CDYL: variants seen among roughly 807,000 people sequenced by gnomAD.
CDYL encodes chromodomain Y-like protein.
Under a neutral mutation model 47.3 loss-of-function variants are expected in CDYL, and 8 were observed. The observed-to-expected ratio is 0.17, with a 90% CI of 0.10 to 0.31. The LOEUF (loss-of-function observed/expected upper bound fraction) is 0.31. Among genes scored for constraint, CDYL ranks in the 10% least tolerant of loss-of-function variants. CDYL has a pLI of 1.00. For missense variants in CDYL, 471 were observed against 701.4 expected (o/e 0.67, Z 3.71); for synonymous variants, 266 against 265.0 (o/e 1.00, Z -0.04).
At chr6:4,803,494 A>T in intron 1 of CDYL, among the ~76,000 whole-genome samples, 1 of 152,206 alleles carries the variant, frequency 6.6e-6, no homozygotes, top group Admixed American at 6.5e-5. Flanking sequence ...GGCATGGATG[A>T]GAATTCTTTC....
At chr6:4,717,130 T>C (rs1362918738) in intron 2 of CDYL, among the ~76,000 whole-genome samples, 1 of 152,012 alleles carries the variant, frequency 6.6e-6, no homozygotes, top group Non-Finnish European at 1.5e-5. Context: ...CCAAAGTCAC[T>C]TGGAAGAGGT....
chr6:4,904,894 G>A (rs1237819672), intron 2 of CDYL, among the ~76,000 whole-genome samples: 1 of 151,936 alleles, frequency 6.6e-6, no homozygotes, highest in Non-Finnish European at 1.5e-5. Flanking sequence ...CCGACCTCCA[G>A]CTGAGAAATA....
upstream of CDYL, chr6:4,773,083 T>C: frequency 2.2e-6 from 1 of 457,120 alleles, no homozygotes; most frequent in East Asian, 7.0e-5. The surrounding 1 kb of genome is among the most constrained non-coding windows in gnomAD (Gnocchi z 4.6). Flanking sequence ...CTGAAGAGTC[T>C]TATCGTCGGT....
chr6:4,823,916 C>G (rs1470570099), intron 1 of CDYL, among the ~76,000 whole-genome samples: 1 of 152,186 alleles, frequency 6.6e-6, no homozygotes, highest in African/African-American at 2.4e-5. Flanking sequence ...CCCTGGAAAT[C>G]TCTATTCTAC....
Position 4,935,717 on chromosome 6 carries a change from C to T in CDYL, c.894C>T (p.Phe298=). Residue 298 remains phenylalanine, a synonymous_variant, in exon 3 of 7, where the codon TTC becomes TTT. Transcript: ENST00000397588. ...TTGTGGTCAGGAAGCAGGATGGCTT[C>T]ACCCACATCTTGTTATCCACAAAGT... ...RDIVVRKQDG[F]THILLSTKSS... The T allele has an allele frequency of 6.2e-7, 1 of 1,614,258 alleles. No individual in the cohort carries two copies. Among genetic ancestry groups the T allele is most frequent in the Non-Finnish European group, 8.5e-7 (1 of 1,180,052 alleles).
At chr6:4,923,251 G>A (rs1216142311) in intron 2 of CDYL, among the ~76,000 whole-genome samples, 1 of 152,076 alleles carries the variant, frequency 6.6e-6, no homozygotes, top group East Asian at 1.9e-4. Context: ...CCAGCCTCTA[G>A]TAACCACTGT....
intron 2 of CDYL, among the ~76,000 whole-genome samples, chr6:4,927,069 A>G (rs933122459): frequency 2.0e-5 from 3 of 152,252 alleles, no homozygotes; most frequent in African/African-American, 7.2e-5. Flanking sequence ...CACGTGTGCC[A>G]TAATTAATTT....
At chr6:4,733,471 CAG>C (rs1247008466) in intron 2 of CDYL, among the ~76,000 whole-genome samples, 40 of 150,698 alleles carry the variant, frequency 2.7e-4, no homozygotes, top group East Asian at 1.2e-3. Context: ...TTTAAAAAGA[CAG>C]AGATCAAATG....
chr6:4,760,648 C>T (rs1758160862), intron 3 of CDYL, among the ~76,000 whole-genome samples: 1 of 152,140 alleles, frequency 6.6e-6, no homozygotes, highest in Non-Finnish European at 1.5e-5. Context: ...TAGAGCTCTT[C>T]AGAGTGAGAA....
intron 1 of CDYL, among the ~76,000 whole-genome samples, chr6:4,809,052 C>T (rs1288894355): frequency 6.6e-6 from 1 of 152,194 alleles, no homozygotes; most frequent in Non-Finnish European, 1.5e-5. Flanking sequence ...GTACGCCCTC[C>T]ACTCCTTTTC....
intron 1 of CDYL, among the ~76,000 whole-genome samples, chr6:4,837,264 A>T (rs1010841392): frequency 1.3e-5 from 2 of 152,248 alleles, no homozygotes; most frequent in African/African-American, 4.8e-5. Flanking sequence ...ATGGAGGCAC[A>T]TGAAAGCAAA....
At chr6:4,789,404 C>G (rs759111869) in intron 1 of CDYL, among the ~76,000 whole-genome samples, 2 of 152,276 alleles carry the variant, frequency 1.3e-5, no homozygotes, top group Non-Finnish European at 2.9e-5. Context: ...CTTCTCTCCC[C>G]TAGTGGTGTC....
At position 4,954,127 on chromosome 6, in the gene CDYL, G is replaced by A; in HGVS notation, c.*71G>A. 1 of 1,506,590 alleles carries A rather than the reference G, an allele frequency of 6.6e-7. No individual in the cohort carries two copies. 93.3% of individuals were successfully genotyped at this position (1,506,590 alleles called of 1,614,324 possible). A position where few individuals can be genotyped will look rare whatever the true frequency, so the allele number is the denominator to read the frequency against. On this transcript the variant is annotated 3_prime_UTR_variant, in exon 7 of 7. Transcript: ENST00000397588. ...GAACATCACCGGCTCCAGTTCCCCT[G>A]ATCCATTCTCACAGCCTGAAACAAG...
At chr6:4,949,677 C>T (rs750892717) in intron 5 of CDYL, among the ~76,000 whole-genome samples, 96 of 152,118 alleles carry the variant, frequency 6.3e-4, no homozygotes, top group Non-Finnish European at 4.7e-4. Context: ...CTGTGTGAAT[C>T]GGTTATTTGG....
chr6:4,937,518 T>C, intron 3 of CDYL, 47 bp from the exon 4 acceptor site: 1 of 1,436,942 alleles, frequency 7.0e-7, no homozygotes, highest in Non-Finnish European at 9.3e-7. Flanking sequence ...CTTTAAGATT[T>C]TAAACCCAAA....
chr6:4,760,098 C>G (rs1250255154), intron 3 of CDYL, among the ~76,000 whole-genome samples: 1 of 151,354 alleles, frequency 6.6e-6, no homozygotes. Context: ...TGAAACAATC[C>G]TTTATCTCCA....
intron 2 of CDYL, chr6:4,724,388 T>C (rs1351200832): frequency 6.6e-6 from 1 of 152,214 alleles, no homozygotes; most frequent in African/African-American, 2.4e-5. Flanking sequence ...AGGGTGTCTT[T>C]CGTGTAACAT....
chr6:4,906,806 G>T (rs1425676331), intron 2 of CDYL, among the ~76,000 whole-genome samples: 1 of 149,388 alleles, frequency 6.7e-6, no homozygotes, highest in African/African-American at 2.6e-5. Context: ...TTATCTGGGG[G>T]AGAAGGAGGT....
intron 1 of CDYL, among the ~76,000 whole-genome samples, chr6:4,834,213 A>G (rs368424543): frequency 0.022 from 3,327 of 152,064 alleles, 122 homozygotes; most frequent in African/African-American, 0.076. Context: ...GGCTGGTACC[A>G]GTTGTTCCTT....
Sources: gnomAD v4.1 joint callset for allele counts (sites outside exome capture counted in the v4.1 genomes callset) on GRCh38, gnomAD v4.1.1 for gene constraint, Gnocchi (gnomAD v3.1) non-coding constraint, MANE v1.5 for transcripts, NCBI Gene and HGNC (gene_info 2026-07-23, HGNC 2026-07-21) for gene names.